Variants in FBXO6 observed in about 807,000 individuals in gnomAD.
The protein encoded by FBXO6 is F-box protein 6.
Under a neutral mutation model 25.0 loss-of-function variants are expected in FBXO6, and 13 were observed. That is an observed-to-expected ratio of 0.52 (90% CI 0.34 to 0.83). The LOEUF is 0.83. Ranked by LOEUF, FBXO6 falls within the 40% of genes least tolerant of loss-of-function variation. The probability of loss-of-function intolerance (pLI) is 0.02; values close to 1 mark genes in which losing one functional copy is unlikely to be tolerated. For synonymous variants in FBXO6, 138 were observed against 155.3 expected (o/e 0.89, Z 0.83); for missense variants, 370 against 380.2 (o/e 0.97, Z 0.22).
At chr1:11,667,974 C>T (rs990963777) in intron 1 of FBXO6, among the ~76,000 whole-genome samples, 3 of 151,948 alleles carry the variant, frequency 2.0e-5, no homozygotes, top group African/African-American at 7.3e-5. Context: ...CGCCTATAGT[C>T]CCAACTACTC....
At chr1:11,672,145 C>T (rs1433896476) in intron 4 of FBXO6, 122 bp downstream of exon 4, 1 of 855,450 alleles carries the variant, frequency 1.2e-6, no homozygotes, top group Admixed American at 2.2e-5. Flanking sequence ...AGCCAGGTAG[C>T]CCCGGCCTCC....
chr1:11,673,803 G>C lies in FBXO6; in HGVS notation c.834G>C (p.Gln278His). The part of the protein sequence containing the change: ...SEAQPGQKHG[Q>H]EEAAQSPYRA... ...CTCAGCCTGGGCAGAAGCATGGACA[G>C]GAGGAGGCTGCCCAATCGCCCTACC... Residue 278 changes from glutamine to histidine, a missense_variant, in exon 6 of 6, where the codon CAG becomes CAC. Coordinates refer to ENST00000376753, the MANE Select transcript of FBXO6 (RefSeq NM_018438.6). This position sits in a 1 kb window ranked among gnomAD's most constrained non-coding sequence, Gnocchi z 4.3. 1 of 1,614,112 alleles carries C rather than the reference G, an allele frequency of 6.2e-7. No individual in the cohort carries two copies. Among genetic ancestry groups the C allele is most frequent in the South Asian group, 1.1e-5 (1 of 91,086 alleles).
Position 11,673,646 on chromosome 1 carries a change from G to T in FBXO6, c.677G>T (p.Gly226Val). ...VSYTFSDYPR[G>V]VRYILFQHGG... ...TACACCTTCTCAGACTACCCCCGGG[G>T]TGTCCGCTACATCCTCTTCCAGCAT... The change falls in exon 6 of 6, where the codon GGT (glycine) becomes GTT (valine). Residue 226 changes from glycine (G) to valine (V), a missense_variant. Gly to Val is a moderately radical substitution (Grantham distance 109). Coordinates refer to ENST00000376753, the MANE Select transcript of FBXO6 (RefSeq NM_018438.6). The surrounding 1 kb of genome is among the most constrained non-coding windows in gnomAD (Gnocchi z 4.3). 2 of 1,614,064 alleles carry T rather than the reference G, an allele frequency of 1.2e-6. No individual in the cohort carries two copies. Among genetic ancestry groups the T allele is most frequent in the East Asian group, 4.5e-5 (2 of 44,880 alleles).
At chr1:11,669,919 G>A (rs1184496112) in intron 2 of FBXO6, among the ~76,000 whole-genome samples, 5 of 140,686 alleles carry the variant, frequency 3.6e-5, no homozygotes, top group African/African-American at 1.0e-4. Context: ...TTACAGGCGT[G>A]AGCCACCACA....
chr1:11,671,481 G>C (rs1640614465), intron 3 of FBXO6, 89 bp downstream of exon 3: 8 of 1,555,420 alleles, frequency 5.1e-6, no homozygotes, highest in Non-Finnish European at 7.0e-6. Context: ...CTTCCTAAGG[G>C]AAGTCCTCTC....
chr1:11,664,525 G>GT (rs1171577298), intron 1 of FBXO6: 4 of 126,552 alleles, frequency 3.2e-5, no homozygotes, highest in Non-Finnish European at 3.3e-5. Flanking sequence ...GCGGCCAGGG[G>GT]TGGGGGGCGC....
Position 11,673,185 on chromosome 1 carries a change from G to A in FBXO6, c.510-92G>A. The A allele has an allele frequency of 6.9e-7, 1 of 1,451,046 alleles. No homozygotes were observed. The highest frequency in any genetic ancestry group is 9.2e-7 in the Non-Finnish European group (1 of 1,088,460). The allele number at this position is 1,451,046 out of a possible 1,614,324, so 89.9% of individuals were successfully genotyped here. A position where few individuals can be genotyped will look rare whatever the true frequency, so the allele number is the denominator to read the frequency against. On this transcript the variant is annotated intron_variant, in intron 4 of 5. Coordinates refer to ENST00000376753, the MANE Select transcript of FBXO6 (RefSeq NM_018438.6). This position sits in a 1 kb window ranked among gnomAD's most constrained non-coding sequence, Gnocchi z 4.3. ...GCAGTGTCAGCTGATGGGAGATGAA[G>A]CTCCGAGCTCCAATGTATAGGTCCC...
intron 1 of FBXO6, among the ~76,000 whole-genome samples, chr1:11,666,622 T>G (rs1213211457): frequency 6.6e-6 from 1 of 152,028 alleles, no homozygotes; most frequent in African/African-American, 2.4e-5. Flanking sequence ...GACCTTGTGA[T>G]CCGCACCCCT....
At chr1:11,666,261 A>G (rs1003451206) in intron 1 of FBXO6, among the ~76,000 whole-genome samples, 1 of 151,340 alleles carries the variant, frequency 6.6e-6, no homozygotes, top group Non-Finnish European at 1.5e-5. Context: ...GAAGATCCTG[A>G]CGCCATAACC....
intron 1 of FBXO6, among the ~76,000 whole-genome samples, chr1:11,667,137 A>G (rs1640461566): frequency 6.6e-6 from 1 of 151,050 alleles, no homozygotes; most frequent in African/African-American, 2.4e-5. Context: ...ACAAGAGTGA[A>G]ACTGTCTCGG....
At chr1:11,667,388 C>T (rs1214786061) in intron 1 of FBXO6, among the ~76,000 whole-genome samples, 2 of 152,162 alleles carry the variant, frequency 1.3e-5, no homozygotes, top group East Asian at 3.9e-4. Context: ...TGAAGTTTTC[C>T]AGAACCCGTG....
In FBXO6 at chr1:11,669,697, C is replaced by T. The variant is rs536426066; in HGVS notation, c.286+753C>T. Among the ~76,000 whole-genome samples the T allele has an allele frequency of 2.0e-3, 277 of 140,916 alleles. 1 individual carries two copies. Among genetic ancestry groups the T allele is most frequent in the African/African-American group, 7.0e-3 (254 of 36,296 alleles). The allele number at this position is 140,916 out of a possible 152,430, so 92.4% of individuals were successfully genotyped here. ...ATGTACACATATATACGTATATATA[C>T]ATATGTATACATATATGTGTATACA... On this transcript the variant is annotated intron_variant, in intron 2 of 5. Coordinates refer to ENST00000376753, the MANE Select transcript of FBXO6 (RefSeq NM_018438.6).
chr1:11,670,648 G>A (rs887429851), intron 2 of FBXO6, among the ~76,000 whole-genome samples: 64 of 144,800 alleles, frequency 4.4e-4, no homozygotes, highest in Non-Finnish European at 7.2e-4. Context: ...AGGGGGGGGG[G>A]GTGTCGCTAT....
chr1:11,671,899 G>T (rs1017132570), intron 3 of FBXO6, 29 bp from the exon 4 acceptor site: 2 of 1,592,360 alleles, frequency 1.3e-6, no homozygotes, highest in Admixed American at 1.7e-5. Flanking sequence ...GCACACCCAG[G>T]TATGCAAGCC....
intron 2 of FBXO6, 143 bp from the exon 3 acceptor site, chr1:11,671,121 CAG>C (rs2100695907): frequency 9.8e-7 from 1 of 1,021,438 alleles, no homozygotes; most frequent in Admixed American, 2.2e-5. Context: ...TCCACAGCCG[CAG>C]AGACCTGAGC....
At position 11,666,468 on chromosome 1, in the gene FBXO6, G is replaced by A. The variant is rs569698682; in HGVS notation, c.-3-2188G>A. ...GCAATCTCGGCTCACCACAACCTCC[G>A]CCTCCCAGGTTCACACGATTCTCCT... On this transcript the variant is annotated intron_variant, in intron 1 of 5. Transcript: ENST00000376753. 2.6e-4 allele frequency among the ~76,000 whole-genome samples: 39 copies of A among 148,522 alleles called. 1 individual carries two copies. The South Asian group carries it at 7.6e-3, about 29-fold the overall frequency.
At position 11,666,678 on chromosome 1, in the gene FBXO6, G is replaced by A. The variant is rs149421932; in HGVS notation, c.-3-1978G>A. Among the ~76,000 whole-genome samples the A allele has an allele frequency of 4.9e-3, 739 of 151,830 alleles. 3 individuals carry two copies. Among genetic ancestry groups the A allele is most frequent in the African/African-American group, 0.017 (695 of 41,420 alleles). On this transcript the variant is annotated intron_variant, in intron 1 of 5. Transcript: ENST00000376753. ...GTTACAGGCTTGAGCCACCGCACCC[G>A]GCCTGCAAAGCATTTTTCACGAGGC...
At chr1:11,664,377 C>G (rs1640336593) in intron 1 of FBXO6, 122 bp downstream of exon 1, 1 of 151,560 alleles carries the variant, frequency 6.6e-6, no homozygotes. Flanking sequence ...ACAACGAAGC[C>G]GAGGCCGTAG....
At chr1:11,666,199 G>T (rs1640434106) in intron 1 of FBXO6, among the ~76,000 whole-genome samples, 1 of 151,302 alleles carries the variant, frequency 6.6e-6, no homozygotes, top group South Asian at 2.1e-4. Flanking sequence ...TGAGGGGCTG[G>T]GTTCGGTGGC....
Sources: allele counts gnomAD v4.1 joint callset (sites outside exome capture counted in the v4.1 genomes callset), GRCh38; gene constraint gnomAD v4.1.1; non-coding constraint Gnocchi (gnomAD v3.1); transcripts MANE v1.5; gene names NCBI Gene and HGNC (gene_info 2026-07-23, HGNC 2026-07-21).